The following GHR variants were observed in gnomAD, a reference collection of about 807,000 sequenced individuals.
The protein encoded by GHR is GH receptor.
A neutral mutation model predicts 67.1 loss-of-function variants in GHR; 35 were observed. The ratio of observed to expected loss-of-function variants is 0.52; its 90% CI spans 0.40 to 0.69. GHR has a LOEUF of 0.69. GHR is among the 30% of genes least tolerant of loss of function. The pLI, the probability that GHR is intolerant of heterozygous loss-of-function variation, is 0.00. For missense variants in GHR, 792 were observed against 764.6 expected (o/e 1.04, Z -0.42); for synonymous variants, 272 against 269.1 (o/e 1.01, Z -0.10).
intron 1 of GHR, chr5:42,467,018 G>C (rs1355209709): frequency 5.8e-6 from 9 of 1,564,590 alleles, no homozygotes; most frequent in Middle Eastern, 1.7e-4. Context: ...CTCAACCTCT[G>C]TCTGAAGGCC....
intron 1 of GHR, among the ~76,000 whole-genome samples, chr5:42,531,356 C>T (rs1369308159): frequency 2.0e-5 from 3 of 152,002 alleles, no homozygotes; most frequent in Non-Finnish European, 2.9e-5. Context: ...AGTCAATTCT[C>T]GATGGTTAGA....
chr5:42,695,500 T>C (rs1757632740), intron 5 of GHR, among the ~76,000 whole-genome samples: 1 of 152,246 alleles, frequency 6.6e-6, no homozygotes, highest in South Asian at 2.1e-4. Context: ...CTACCATTGC[T>C]GTAATCAAAG....
At chr5:42,425,600 C>T (rs569285312) in intron 1 of GHR, among the ~76,000 whole-genome samples, 1 of 152,274 alleles carries the variant, frequency 6.6e-6, no homozygotes, top group Admixed American at 6.5e-5. Flanking sequence ...AAGCAAAGCT[C>T]AGTGTTTCCA....
chr5:42,462,708 G>T (rs1430954662), intron 1 of GHR, among the ~76,000 whole-genome samples: 1 of 151,544 alleles, frequency 6.6e-6, no homozygotes, highest in Non-Finnish European at 1.5e-5. Flanking sequence ...GTGTGCTTTT[G>T]TGTGTGTGTG....
intron 2 of GHR, among the ~76,000 whole-genome samples, chr5:42,616,264 T>C (rs1468726330): frequency 6.6e-6 from 1 of 151,998 alleles, no homozygotes; most frequent in Non-Finnish European, 1.5e-5. Flanking sequence ...ATTTGATTGT[T>C]CGGGAAAAAG....
At chr5:42,552,608 T>G (rs146034047) in intron 1 of GHR, among the ~76,000 whole-genome samples, 1 of 152,100 alleles carries the variant, frequency 6.6e-6, no homozygotes, top group African/African-American at 2.4e-5. Flanking sequence ...TTAGCCAAAC[T>G]TAAGAGATGA....
intron 1 of GHR, among the ~76,000 whole-genome samples, chr5:42,434,045 A>G (rs1340089291): frequency 6.6e-6 from 1 of 152,154 alleles, no homozygotes; most frequent in Non-Finnish European, 1.5e-5. Flanking sequence ...AACATTATGT[A>G]AATTCAGTCT....
At chr5:42,576,239 T>C (rs2112531242) in intron 2 of GHR, among the ~76,000 whole-genome samples, 1 of 152,040 alleles carries the variant, frequency 6.6e-6, no homozygotes, top group Admixed American at 6.5e-5. Flanking sequence ...TCTTACATTC[T>C]CTGAGCCTCA....
chr5:42,503,586 G>A (rs753532678), intron 1 of GHR, among the ~76,000 whole-genome samples: 1 of 152,154 alleles, frequency 6.6e-6, no homozygotes, highest in Non-Finnish European at 1.5e-5. Context: ...CACCATTATA[G>A]GTGGTAGAGA....
At chr5:42,533,723 C>T (rs146156520) in intron 1 of GHR, among the ~76,000 whole-genome samples, 2 of 151,586 alleles carry the variant, frequency 1.3e-5, no homozygotes, top group African/African-American at 4.8e-5. Flanking sequence ...TATTGGGGTA[C>T]AGGTGGTATT....
intron 3 of GHR, among the ~76,000 whole-genome samples, chr5:42,666,039 T>C (rs1755957469): frequency 6.6e-6 from 1 of 152,164 alleles, no homozygotes; most frequent in African/African-American, 2.4e-5. Flanking sequence ...ATTCAAGATG[T>C]GATTTGTATG....
chr5:42,563,478 C>T (rs1287739641), intron 1 of GHR, among the ~76,000 whole-genome samples: 1 of 151,760 alleles, frequency 6.6e-6, no homozygotes, highest in African/African-American at 2.4e-5. Flanking sequence ...ATTAGCCGGG[C>T]GCGGTGGCGG....
intron 3 of GHR, among the ~76,000 whole-genome samples, chr5:42,664,569 C>T (rs1469367643): frequency 3.9e-5 from 6 of 152,146 alleles, no homozygotes; most frequent in Non-Finnish European, 7.3e-5. Flanking sequence ...GGATCCCTTC[C>T]TTACACCTTA....
intron 1 of GHR, among the ~76,000 whole-genome samples, chr5:42,534,091 TAA>T (rs1748102448): frequency 6.7e-6 from 1 of 149,418 alleles, no homozygotes; most frequent in African/African-American, 2.4e-5. Context: ...TGTATATATG[TAA>T]GTATATATGT....
In GHR at chr5:42,526,185, T is replaced by TA. The variant is rs949555835; in HGVS notation, c.-11-39667dup. Among the ~76,000 whole-genome samples the TA allele has an allele frequency of 3.7e-3, 533 of 144,566 alleles. 6 individuals carry two copies. The highest frequency in any genetic ancestry group is 0.021 in the Middle Eastern group (6 of 280). The allele number at this position is 144,566 out of a possible 152,430, so 94.8% of individuals were successfully genotyped here. A position where few individuals can be genotyped will look rare whatever the true frequency, so the allele number is the denominator to read the frequency against. ...CTACTCCAGTGAATACATAAGTTAT[T>TA]AAAAAAAAAAAAGTGACACAGCCTT... On this transcript the variant is annotated intron_variant, in intron 1 of 9. Transcript: ENST00000230882.
chr5:42,711,178 C>T lies in GHR; in HGVS notation c.619-29C>T, dbSNP rs6178. ...TGCATTGAGTTGTTGACTCTTTGGCCAATATGCGTTTATATTTTGTCTTGA... is the reference window on the plus strand; with the variant it reads ...TGCATTGAGTTGTTGACTCTTTGGCTAATATGCGTTTATATTTTGTCTTGA... On this transcript the variant is annotated intron_variant, in intron 6 of 9. Transcript: ENST00000230882. The T allele has an allele frequency of 0.027, 42,625 of 1,581,668 alleles. 829 individuals are homozygous for T. The highest frequency in any genetic ancestry group is 0.085 in the African/African-American group (6,286 of 74,206).
At chr5:42,687,980 A>T (rs781768854) in intron 3 of GHR, among the ~76,000 whole-genome samples, 1 of 152,258 alleles carries the variant, frequency 6.6e-6, no homozygotes, top group African/African-American at 2.4e-5. Flanking sequence ...TCATAGATGC[A>T]GAGGAATTTT....
intron 1 of GHR, among the ~76,000 whole-genome samples, chr5:42,473,953 C>T (rs1172582157): frequency 6.7e-6 from 1 of 149,650 alleles, no homozygotes; most frequent in Non-Finnish European, 1.5e-5. Flanking sequence ...TTTGGGAGGC[C>T]AAGGTGAGTG....
intron 1 of GHR, among the ~76,000 whole-genome samples, chr5:42,484,342 C>T (rs555165117): frequency 3.4e-4 from 52 of 152,266 alleles, no homozygotes; most frequent in African/African-American, 1.2e-3. Context: ...TACAGGTATC[C>T]ACATATCCAC....
Sources: gnomAD v4.1 joint callset for allele counts (sites outside exome capture counted in the v4.1 genomes callset) on GRCh38, gnomAD v4.1.1 for gene constraint, MANE v1.5 for transcripts, NCBI Gene and HGNC (gene_info 2026-07-23, HGNC 2026-07-21) for gene names.